The following IMPG2 variants were observed in gnomAD, a reference collection of about 807,000 sequenced individuals.
The protein encoded by IMPG2 is IPM 200.
In IMPG2, 91 loss-of-function variants were observed where a neutral mutation model predicts 129.2. The ratio of observed to expected loss-of-function variants is 0.70; its 90% CI spans 0.59 to 0.84. The LOEUF (loss-of-function observed/expected upper bound fraction) is 0.84. IMPG2 is among the 40% of genes least tolerant of loss of function. The pLI, the probability that IMPG2 is intolerant of heterozygous loss-of-function variation, is 0.00. For synonymous variants in IMPG2, 510 were observed against 517.7 expected (o/e 0.99, Z 0.20); for missense variants, 1,430 against 1,461.7 (o/e 0.98, Z 0.35).
Position 101,319,589 on chromosome 3 carries a change from A to C in IMPG2, c.329T>G (p.Val110Gly). The change falls in exon 2 of 19, where the codon GTC (valine) becomes GGC (glycine). Residue 110 changes from valine to glycine, a missense_variant. Physicochemically the swap from Val to Gly is moderately radical, Grantham distance 109. Transcript: ENST00000193391. ...AVANHVKYFK[V>G]RVCQEAVWEA... ...GGATTTGGATGTTCGCTTACCTCGG[A>C]CTTTAAAATACTTCACATGATTTGC... is the stretch of plus-strand genomic sequence containing the variant. 6.2e-7 allele frequency: 1 copy of C among 1,613,516 alleles called. No individual in the cohort carries two copies. Among genetic ancestry groups the C allele is most frequent in the Non-Finnish European group, 8.5e-7 (1 of 1,179,712 alleles).
rs1409461055 is a variant in IMPG2, at chr3:101,253,713, T to C, written c.1222A>G (p.Thr408Ala). 1 of 1,611,430 alleles carries C rather than the reference T, an allele frequency of 6.2e-7. No homozygotes were observed. The highest frequency in any genetic ancestry group is 2.2e-5 in the East Asian group (1 of 44,866). ...AAACATACCAGAATAGATGACGGCG[T>C]TGCCTGAAGACTTGAACTTTGGGTG... ...WNTQSSSLQA[T>A]PSSILDNTFQ... The change falls in exon 11 of 19, where the codon ACG becomes GCG. Residue 408 changes from threonine (T) to alanine (A), a missense_variant. Physicochemically the swap from Thr to Ala is moderately conservative, Grantham distance 58. Transcript: ENST00000193391.
In IMPG2 at chr3:101,244,799, G is replaced by C. The variant is rs1303366703; in HGVS notation, c.1544-12C>G. ...AACATTGGCTAATCCTAAAAATAAAGTTTTCCATTAATTAATCTACAGAGT... is the reference window on the plus strand; with the variant it reads ...AACATTGGCTAATCCTAAAAATAAACTTTTCCATTAATTAATCTACAGAGT... On this transcript the variant is annotated splice_polypyrimidine_tract_variant and intron_variant, in intron 12 of 18. Transcript: ENST00000193391. 1.2e-6 allele frequency: 2 copies of C among 1,610,300 alleles called. No individual in the cohort carries two copies. The highest frequency in any genetic ancestry group is 1.7e-4 in the Middle Eastern group (1 of 6,048).
At chr3:101,311,299 CT>C (rs1307309822) in intron 2 of IMPG2, among the ~76,000 whole-genome samples, 2 of 151,956 alleles carry the variant, frequency 1.3e-5, no homozygotes, top group African/African-American at 4.8e-5. Flanking sequence ...ATGACATGAG[CT>C]TGTATCTAGG....
chr3:101,243,925 T>C lies in IMPG2; in HGVS notation c.2406A>G (p.Pro802=), dbSNP rs760609096. 8 of 1,614,224 alleles carry C rather than the reference T, an allele frequency of 5.0e-6. No individual in the cohort carries two copies. Among genetic ancestry groups the C allele is most frequent in the Non-Finnish European group, 6.8e-6 (8 of 1,180,046 alleles). ...ATAACCAGAGCCTGTCAGCACTCTG[T>C]GGTGTACTTGCCAATATGTCTCTGG... ...KLSRDILAST[P]QSADRLWLSV... Residue 802 remains proline (P), a synonymous_variant, in exon 13 of 19, where the codon CCA becomes CCG. Transcript: ENST00000193391.
At chr3:101,308,650 G>A (rs1707230026) in intron 2 of IMPG2, among the ~76,000 whole-genome samples, 1 of 152,200 alleles carries the variant, frequency 6.6e-6, no homozygotes, top group East Asian at 1.9e-4. Context: ...CTGCTGTGAA[G>A]ACCTCTGACA....
chr3:101,276,782 G>A (rs2107253956), intron 4 of IMPG2, 69 bp from the exon 5 acceptor site: 1 of 1,260,982 alleles, frequency 7.9e-7, no homozygotes. Context: ...GATTTTTGGG[G>A]TTGTTTTCCA....
intron 11 of IMPG2, among the ~76,000 whole-genome samples, chr3:101,248,560 T>G (rs1706509706): frequency 6.6e-6 from 1 of 152,142 alleles, no homozygotes; most frequent in Non-Finnish European, 1.5e-5. Flanking sequence ...CTACACACTC[T>G]CCCAATCACA....
At chr3:101,315,035 T>C (rs76886428) in intron 2 of IMPG2, among the ~76,000 whole-genome samples, 4 of 152,304 alleles carry the variant, frequency 2.6e-5, no homozygotes, top group Non-Finnish European at 5.9e-5. Flanking sequence ...AGCTGTGTTA[T>C]ATCTTTTCTG....
intron 11 of IMPG2, 105 bp downstream of exon 11, chr3:101,253,591 G>T: frequency 1.3e-6 from 1 of 785,228 alleles, no homozygotes; most frequent in Non-Finnish European, 2.2e-6. Context: ...GAGAATAATT[G>T]AAATGAGAAC....
intron 2 of IMPG2, among the ~76,000 whole-genome samples, chr3:101,305,001 C>A (rs550241): frequency 0.72 from 109,134 of 151,994 alleles, 40,336 homozygotes; most frequent in East Asian, 0.84. Context: ...AAATAATAAT[C>A]TTTTTTATAC....
chr3:101,235,521 A>G (rs1191686286), intron 14 of IMPG2, among the ~76,000 whole-genome samples: 2 of 152,218 alleles, frequency 1.3e-5, no homozygotes, highest in Non-Finnish European at 2.9e-5. Context: ...ATACATTAGG[A>G]AAAAGATATA....
chr3:101,265,456 C>G (rs1405892332), intron 9 of IMPG2, among the ~76,000 whole-genome samples: 4 of 152,072 alleles, frequency 2.6e-5, no homozygotes, highest in Non-Finnish European at 5.9e-5. Context: ...GAAGGACACT[C>G]TCTTCAATGA....
chr3:101,258,121 A>G (rs1209797734), intron 9 of IMPG2, among the ~76,000 whole-genome samples: 1 of 152,062 alleles, frequency 6.6e-6, no homozygotes, highest in East Asian at 1.9e-4. Flanking sequence ...TTTTCCTATT[A>G]GCATTTTCCC....
chr3:101,241,800 G>T (rs1308907144), intron 14 of IMPG2, among the ~76,000 whole-genome samples: 1 of 152,086 alleles, frequency 6.6e-6, no homozygotes, highest in Non-Finnish European at 1.5e-5. Flanking sequence ...GGCCGAGGTA[G>T]GTGGATCACC....
At chr3:101,280,760 A>G (rs943332341) in intron 4 of IMPG2, among the ~76,000 whole-genome samples, 5 of 152,134 alleles carry the variant, frequency 3.3e-5, no homozygotes, top group Admixed American at 6.5e-5. Flanking sequence ...AGCCTGGCCA[A>G]CATGGCGAAA....
At chr3:101,319,558 G>T in intron 2 of IMPG2, 26 bp downstream of exon 2, 1 of 1,611,942 alleles carries the variant, frequency 6.2e-7, no homozygotes. Flanking sequence ...TCATTATGGA[G>T]CTGAAGGATT....
In IMPG2 at chr3:101,229,436, C is replaced by T. The variant is rs1462443411; in HGVS notation, c.3577G>A (p.Gly1193Arg). ...YSSASGDVIGGLSREEIRQMY... is the reference protein window; with the variant it reads ...YSSASGDVIGRLSREEIRQMY... ...TGTCTGATTTCTTCTCTGCTCAGCC[C>T]ACCAATCACGTCTCCGCTAGCAGAG... is the stretch of plus-strand genomic sequence containing the variant. Residue 1193 changes from glycine to arginine, a missense_variant, in exon 17 of 19, where the codon GGG (glycine) becomes AGG (arginine). Coordinates refer to ENST00000193391, the MANE Select transcript of IMPG2 (RefSeq NM_016247.4). The T allele has an allele frequency of 6.2e-7, 1 of 1,612,752 alleles. No individual in the cohort carries two copies. Among genetic ancestry groups the T allele is most frequent in the African/African-American group, 1.3e-5 (1 of 74,958 alleles).
chr3:101,289,920 G>A (rs929865999), intron 4 of IMPG2, among the ~76,000 whole-genome samples: 3 of 150,148 alleles, frequency 2.0e-5, no homozygotes, highest in Non-Finnish European at 4.4e-5. Flanking sequence ...AAGGGAGAAA[G>A]AAAGAGAAAA....
chr3:101,232,671 C>A (rs1342547813), intron 15 of IMPG2, 110 bp downstream of exon 15: 23 of 900,908 alleles, frequency 2.6e-5, no homozygotes, highest in Non-Finnish European at 3.5e-5. Context: ...CTAGATATAA[C>A]TTCTATAATG....
Sources: gnomAD v4.1 joint callset for allele counts (sites outside exome capture counted in the v4.1 genomes callset) on GRCh38, gnomAD v4.1.1 for gene constraint, MANE v1.5 for transcripts, NCBI Gene and HGNC (gene_info 2026-07-23, HGNC 2026-07-21) for gene names.